Variants in ABCC4 observed in about 807,000 individuals in gnomAD.
The protein encoded by ABCC4 is ATP-binding cassette sub-family C member 4.
In ABCC4, 102 loss-of-function variants were observed where a neutral mutation model predicts 168.5. That is an observed-to-expected ratio of 0.61 (90% CI 0.52 to 0.71). ABCC4 has a LOEUF of 0.71. Ranked by LOEUF, ABCC4 falls within the 30% of genes least tolerant of loss-of-function variation. ABCC4 has a pLI of 0.00. For missense variants in ABCC4, 1,402 were observed against 1,605.8 expected, an observed-to-expected ratio of 0.87 and a Z score of 2.17; for synonymous variants, 617 against 590.7, an observed-to-expected ratio of 1.04 and a Z score of -0.65.
intron 9 of ABCC4, 141 bp from the exon 10 acceptor site, chr13:95,188,683 C>A (rs1275248696): frequency 1.4e-6 from 1 of 702,104 alleles, no homozygotes; most frequent in Non-Finnish European, 2.3e-6. Flanking sequence ...GATATTGTAT[C>A]CTAGAGTCCT....
In ABCC4 at chr13:95,207,876, C is replaced by T; in HGVS notation, c.835G>A (p.Val279Ile). The T allele has an allele frequency of 2.5e-6, 4 of 1,613,782 alleles. No homozygotes were observed. Among genetic ancestry groups the T allele is most frequent in the Non-Finnish European group, 3.4e-6 (4 of 1,179,936 alleles). ...TDARIRTMNE[V>I]ITGIRIIKMY... is the part of the protein sequence containing the mutation. The stretch of plus-strand genomic sequence containing the variant: ...TTTATTATCCTTATACCAGTTATAA[C>T]TTCATTCATGGTCCTGATCCTGGCA... The change falls in exon 7 of 31, where the codon GTT (valine) becomes ATT (isoleucine). Residue 279 changes from valine (V) to isoleucine (I), a missense_variant. Coordinates refer to ENST00000645237, the MANE Select transcript of ABCC4 (RefSeq NM_005845.5).
chr13:95,193,888 C>A (rs2038336043), intron 9 of ABCC4, among the ~76,000 whole-genome samples: 1 of 152,204 alleles, frequency 6.6e-6, no homozygotes, highest in Admixed American at 6.5e-5. Flanking sequence ...CATGCAAGAC[C>A]CAATCGGACC....
intron 1 of ABCC4, among the ~76,000 whole-genome samples, chr13:95,250,757 C>CTTTTTTTT: frequency 1.3e-5 from 1 of 78,872 alleles, no homozygotes; most frequent in Non-Finnish European, 2.4e-5. Flanking sequence ...ATACTGGTTT[C>CTTTTTTTT]TTTTTTTTTT....
At chr13:95,093,135 C>G (rs2034488450) in intron 20 of ABCC4, among the ~76,000 whole-genome samples, 2 of 152,084 alleles carry the variant, frequency 1.3e-5, no homozygotes, top group South Asian at 4.1e-4. Flanking sequence ...TGGTACCAAT[C>G]CTTTGGACAC....
chr13:95,293,033 C>T (rs543747325), intron 1 of ABCC4, among the ~76,000 whole-genome samples: 1 of 152,232 alleles, frequency 6.6e-6, no homozygotes, highest in African/African-American at 2.4e-5. Flanking sequence ...TCATTCGCCA[C>T]ACGTCTCAGG....
At chr13:95,163,462 C>A in intron 17 of ABCC4, 148 bp downstream of exon 17, 1 of 773,820 alleles carries the variant, frequency 1.3e-6, no homozygotes, top group South Asian at 1.8e-5. Context: ...GTTTACACTC[C>A]ACCAGCAAGC....
At chr13:95,122,117 C>T (rs1331655938) in intron 19 of ABCC4, among the ~76,000 whole-genome samples, 2 of 152,186 alleles carry the variant, frequency 1.3e-5, no homozygotes, top group Non-Finnish European at 2.9e-5. Context: ...TTTGCTTCAT[C>T]TTATTTTTTT....
chr13:95,153,781 A>G (rs1412639332), intron 19 of ABCC4, among the ~76,000 whole-genome samples: 1 of 152,200 alleles, frequency 6.6e-6, no homozygotes, highest in Non-Finnish European at 1.5e-5. Context: ...AATATTTACC[A>G]GCTGTAGACA....
At chr13:95,263,381 T>C (rs1358920806) in intron 1 of ABCC4, among the ~76,000 whole-genome samples, 1 of 152,172 alleles carries the variant, frequency 6.6e-6, no homozygotes, top group Non-Finnish European at 1.5e-5. Context: ...GCTCCACTAG[T>C]AACAAGAACC....
In ABCC4 at chr13:95,124,877, C is replaced by CA. The variant is rs1254482050; in HGVS notation, c.2456-8877dup. On this transcript the variant is annotated intron_variant, in intron 19 of 30. Transcript: ENST00000645237. ...TGGGTGACAGAGTGAGACTTGATCT[C>CA]AAAAAAAAAATAAAATAAAATAAAA... is the stretch of plus-strand genomic sequence containing the variant. Among the ~76,000 whole-genome samples the CA allele has an allele frequency of 7.4e-3, 1,047 of 141,912 alleles. 10 individuals are homozygous for CA. Among genetic ancestry groups the CA allele is most frequent in the Middle Eastern group, 0.025 (7 of 280 alleles). 93.1% of individuals were successfully genotyped at this position (141,912 alleles called of 152,430 possible).
At chr13:95,104,651 A>C (rs1182445642) in intron 20 of ABCC4, among the ~76,000 whole-genome samples, 1 of 152,188 alleles carries the variant, frequency 6.6e-6, no homozygotes, top group Non-Finnish European at 1.5e-5. Context: ...TTCCTGTTTC[A>C]TCAGTTTATA....
intron 25 of ABCC4, among the ~76,000 whole-genome samples, chr13:95,064,297 T>TATAC (rs1555306881): frequency 2.9e-4 from 31 of 105,302 alleles, no homozygotes; most frequent in Admixed American, 1.7e-3. Flanking sequence ...TATATATATA[T>TATAC]ACACACACAC....
Position 95,163,609 on chromosome 13 carries a change from C to T in ABCC4, c.2213+1G>A. 1 of 1,611,582 alleles carries T rather than the reference C, an allele frequency of 6.2e-7. No individual in the cohort carries two copies. Among genetic ancestry groups the T allele is most frequent in the Non-Finnish European group, 8.5e-7 (1 of 1,178,200 alleles). On this transcript the variant is annotated splice_donor_variant, in intron 17 of 30. Coordinates refer to ENST00000645237, the MANE Select transcript of ABCC4 (RefSeq NM_005845.5). LOFTEE classifies it high-confidence loss of function. Reference sequence around the variant, plus strand: ...CATACATCAGACCAGAAATAACTTACCAGTATGAAAGCCACCAATCTTGAA... The same window carrying T: ...CATACATCAGACCAGAAATAACTTATCAGTATGAAAGCCACCAATCTTGAA...
Position 95,206,720 on chromosome 13 carries a change from A to G in ABCC4, c.973T>C (p.Phe325Leu). 6.2e-7 allele frequency: 1 copy of G among 1,614,152 alleles called. No individual in the cohort carries two copies. Among genetic ancestry groups the G allele is most frequent in the East Asian group, 2.2e-5 (1 of 44,864 alleles). ...AACACGATGATTTTGCTTGCACTGA[A>G]AAATGAAGCCAAATTCATCCCTCTG... ...CLRGMNLASFFSASKIIVFVT... is the reference protein window; with the variant it reads ...CLRGMNLASFLSASKIIVFVT... Residue 325 changes from phenylalanine (F) to leucine (L), a missense_variant, in exon 8 of 31, where the codon TTC (phenylalanine) becomes CTC (leucine). By Grantham distance (22) the Phe-to-Leu change is conservative (BLOSUM62 0). Around this residue, in one of 3 missense-constraint regions of ABCC4, gnomAD observed 78 missense variants for 133.0 expected, o/e 0.59. Transcript: ENST00000645237.
chr13:95,253,918 G>C (rs1319339195), intron 1 of ABCC4, among the ~76,000 whole-genome samples: 1 of 151,656 alleles, frequency 6.6e-6, no homozygotes, highest in Non-Finnish European at 1.5e-5. Flanking sequence ...TTTGAGACAG[G>C]GTCTCACTCT....
chr13:95,272,781 G>A (rs929793891), intron 1 of ABCC4, among the ~76,000 whole-genome samples: 51 of 127,560 alleles, frequency 4.0e-4, no homozygotes, highest in Admixed American at 5.2e-4. Context: ...CCCGCTACTC[G>A]AGAGGCTGAG....
intron 13 of ABCC4, among the ~76,000 whole-genome samples, chr13:95,172,388 C>T (rs57148491): frequency 0.15 from 22,130 of 151,832 alleles, 1,696 homozygotes; most frequent in Non-Finnish European, 0.18. Context: ...TCAAGCAACA[C>T]GGTGAAATCC....
intron 16 of ABCC4, among the ~76,000 whole-genome samples, chr13:95,164,057 A>G (rs1594212997): frequency 8.6e-6 from 1 of 115,788 alleles, no homozygotes; most frequent in Non-Finnish European, 2.0e-5. Context: ...AAAAAAAAAA[A>G]GAAAGAAAGA....
intron 1 of ABCC4, among the ~76,000 whole-genome samples, chr13:95,274,011 G>C (rs1002146298): frequency 9.9e-5 from 15 of 152,028 alleles, no homozygotes; most frequent in African/African-American, 2.4e-4. Context: ...CGTGCCTTCT[G>C]TCATGATTGT....
Sources: allele counts gnomAD v4.1 joint callset (sites outside exome capture counted in the v4.1 genomes callset), GRCh38; gene constraint gnomAD v4.1.1; regional missense constraint gnomAD v4.1.1; transcripts MANE v1.5; gene names NCBI Gene and HGNC (gene_info 2026-07-23, HGNC 2026-07-21).